Variants in TIMP3 observed in about 807,000 individuals in gnomAD.
The protein encoded by TIMP3 is metalloproteinase inhibitor 3.
Under a neutral mutation model 30.0 loss-of-function variants are expected in TIMP3, and 11 were observed. The observed-to-expected ratio is 0.37, with a 90% CI of 0.23 to 0.61. The LOEUF (loss-of-function observed/expected upper bound fraction) is 0.61. Ranked by LOEUF, TIMP3 falls within the 20% of genes least tolerant of loss-of-function variation. The probability of loss-of-function intolerance (pLI) is 0.70; values close to 1 mark genes in which losing one functional copy is unlikely to be tolerated. For missense variants in TIMP3, 181 were observed against 276.8 expected (o/e 0.65, Z 2.45); for synonymous variants, 112 against 111.3 (o/e 1.01, Z -0.04).
At chr22:32,854,793 T>G (rs2048319108) in intron 2 of TIMP3, among the ~76,000 whole-genome samples, 1 of 152,082 alleles carries the variant, frequency 6.6e-6, no homozygotes. Context: ...TTGGCAAGCC[T>G]TGGGGGAGAA....
At chr22:32,811,937 T>C (rs2046927590) in intron 1 of TIMP3, among the ~76,000 whole-genome samples, 1 of 152,150 alleles carries the variant, frequency 6.6e-6, no homozygotes, top group Non-Finnish European at 1.5e-5. Flanking sequence ...GACAATGAAC[T>C]TGGCTGAAGA....
rs1569239923 is a variant in TIMP3, at chr22:32,807,394, A to AT, written c.121+5272_121+5273insT. ...ATTATATATAATATATATTATATAT[A>AT]ATATATATATATTATATTTACATAT... On this transcript the variant is annotated intron_variant, in intron 1 of 4. Transcript: ENST00000266085. 1.2e-3 allele frequency among the ~76,000 whole-genome samples: 116 copies of AT among 100,592 alleles called. 1 individual carries two copies. Among genetic ancestry groups the AT allele is most frequent in the African/African-American group, 4.5e-3 (114 of 25,582 alleles). 66.0% of individuals were successfully genotyped at this position (100,592 alleles called of 152,430 possible).
chr22:32,828,760 C>G (rs1350928768), intron 1 of TIMP3, among the ~76,000 whole-genome samples: 1 of 152,176 alleles, frequency 6.6e-6, no homozygotes, highest in Non-Finnish European at 1.5e-5. Flanking sequence ...TCTTTCCTTC[C>G]CTGTGTTTGC....
chr22:32,835,937 C>T (rs769815473), intron 1 of TIMP3, among the ~76,000 whole-genome samples: 2 of 152,232 alleles, frequency 1.3e-5, no homozygotes, highest in Non-Finnish European at 2.9e-5. Context: ...GTAACTTATA[C>T]AAGCCCTTCT....
At position 32,822,155 on chromosome 22, in the gene TIMP3, C is replaced by CAA. The variant is rs35312009; in HGVS notation, c.121+20051_121+20052dup. Among the ~76,000 whole-genome samples, 212 of 108,146 alleles carry CAA rather than the reference C, an allele frequency of 2.0e-3. 5 individuals are homozygous for CAA. The highest frequency in any genetic ancestry group is 3.1e-3 in the Admixed American group (33 of 10,578). 70.9% of individuals were successfully genotyped at this position (108,146 alleles called of 152,430 possible). A position where few individuals can be genotyped will look rare whatever the true frequency, so the allele number is the denominator to read the frequency against. On this transcript the variant is annotated intron_variant, in intron 1 of 4. Coordinates refer to ENST00000266085, the MANE Select transcript of TIMP3 (RefSeq NM_000362.5). The stretch of plus-strand genomic sequence containing the variant: ...GGGCAACAAGAGCAAAACTCCATCT[C>CAA]AAAAAAAAAAAAAAAAAAAGAAGTT...
chr22:32,802,198 G>A, intron 1 of TIMP3, 76 bp downstream of exon 1: 12 of 1,518,830 alleles, frequency 7.9e-6, no homozygotes, highest in Non-Finnish European at 1.1e-5. Flanking sequence ...GGCAGGGCGA[G>A]CCCCACTCCT....
intron 1 of TIMP3, among the ~76,000 whole-genome samples, chr22:32,835,846 C>A (rs995664137): frequency 1.3e-5 from 2 of 152,168 alleles, no homozygotes. Context: ...AGATTTGAAT[C>A]CAGACTTCAC....
chr22:32,859,451 G>T lies in TIMP3; in HGVS notation c.*74G>T, dbSNP rs1421013518. 6.6e-7 allele frequency: 1 copy of T among 1,520,614 alleles called. No individual in the cohort carries two copies. Among genetic ancestry groups the T allele is most frequent in the South Asian group, 1.2e-5 (1 of 82,530 alleles). The allele number at this position is 1,520,614 out of a possible 1,614,324, so 94.2% of individuals were successfully genotyped here. Reference sequence around the variant, plus strand: ...CCTTGGACACTAACTCTTCCCAGATGATGACAATGAAATTAGTGCCTGTTT... The same window carrying T: ...CCTTGGACACTAACTCTTCCCAGATTATGACAATGAAATTAGTGCCTGTTT... On this transcript the variant is annotated 3_prime_UTR_variant, in exon 5 of 5. Transcript: ENST00000266085.
rs1261092127 is a variant in TIMP3, at chr22:32,801,980, G to GGCAGCGGCGGCA, written c.-13_-2dup. ...CTTTGGAGAGGCGAGCAGCAGCCCC[G>GGCAGCGGCGGCA]GCAGCGGCGGCAGCAGCGGCAATGA... is the stretch of plus-strand genomic sequence containing the variant. On this transcript the variant is annotated 5_prime_UTR_variant, in exon 1 of 5. Coordinates refer to ENST00000266085, the MANE Select transcript of TIMP3 (RefSeq NM_000362.5). This position sits in a 1 kb window ranked among gnomAD's most constrained non-coding sequence, Gnocchi z 4.7. 6.3e-7 allele frequency: 1 copy of GGCAGCGGCGGCA among 1,580,612 alleles called. No individual in the cohort carries two copies.
chr22:32,818,482 C>T (rs1379957809), intron 1 of TIMP3, among the ~76,000 whole-genome samples: 1 of 152,116 alleles, frequency 6.6e-6, no homozygotes, highest in Non-Finnish European at 1.5e-5. Context: ...CCCTTTGAGT[C>T]CTCTGGATGA....
chr22:32,851,608 C>G (rs1006470508), intron 2 of TIMP3, among the ~76,000 whole-genome samples: 1 of 152,200 alleles, frequency 6.6e-6, no homozygotes, highest in African/African-American at 2.4e-5. Flanking sequence ...ATGTAGGATC[C>G]CTCGTCTTAC....
At chr22:32,814,895 C>A (rs189811674) in intron 1 of TIMP3, among the ~76,000 whole-genome samples, 1 of 151,780 alleles carries the variant, frequency 6.6e-6, no homozygotes, top group Non-Finnish European at 1.5e-5. Context: ...TTTAAAAAAA[C>A]GAGGAAAAAG....
intron 1 of TIMP3, among the ~76,000 whole-genome samples, chr22:32,820,819 G>C (rs1332128211): frequency 6.6e-6 from 1 of 152,204 alleles, no homozygotes; most frequent in African/African-American, 2.4e-5. Context: ...AAGGAGAAAA[G>C]GAGGTTAACT....
intron 2 of TIMP3, 145 bp downstream of exon 2, chr22:32,849,679 G>A: frequency 2.6e-6 from 2 of 765,662 alleles, no homozygotes; most frequent in Admixed American, 2.0e-5. Flanking sequence ...TGGAGAGGGA[G>A]CTGCTAAGGC....
At chr22:32,827,587 T>C (rs1230749603) in intron 1 of TIMP3, among the ~76,000 whole-genome samples, 1 of 110,154 alleles carries the variant, frequency 9.1e-6, no homozygotes, top group African/African-American at 3.7e-5. Flanking sequence ...ATGACTATCA[T>C]GAACTCCCTT....
chr22:32,853,343 G>T (rs573459422), intron 2 of TIMP3, among the ~76,000 whole-genome samples: 1 of 152,294 alleles, frequency 6.6e-6, no homozygotes, highest in African/African-American at 2.4e-5. Flanking sequence ...AGAATTTGTG[G>T]GTTTAAATGA....
chr22:32,850,059 C>T (rs2048176292), intron 2 of TIMP3, among the ~76,000 whole-genome samples: 1 of 150,634 alleles, frequency 6.6e-6, no homozygotes, highest in Non-Finnish European at 1.5e-5. Flanking sequence ...GCAGGAACTT[C>T]ACCTTCTTTC....
At chr22:32,825,979 G>T (rs1237545909) in intron 1 of TIMP3, among the ~76,000 whole-genome samples, 5 of 152,122 alleles carry the variant, frequency 3.3e-5, no homozygotes, top group Non-Finnish European at 7.3e-5. Context: ...AGTAGCATAG[G>T]GAAAAGTCTT....
intron 1 of TIMP3, among the ~76,000 whole-genome samples, chr22:32,834,222 G>A (rs933758513): frequency 5.9e-5 from 9 of 151,852 alleles, no homozygotes; most frequent in African/African-American, 2.2e-4. Context: ...GCACGATCTC[G>A]GCTCACTGCA....
Sources: gnomAD v4.1 joint callset for allele counts (sites outside exome capture counted in the v4.1 genomes callset) on GRCh38, gnomAD v4.1.1 for gene constraint, Gnocchi (gnomAD v3.1) non-coding constraint, MANE v1.5 for transcripts, NCBI Gene and HGNC (gene_info 2026-07-23, HGNC 2026-07-21) for gene names.